Variants in KLF8 observed in about 807,000 individuals in gnomAD.
KLF8 encodes KLF transcription factor 8.
A neutral mutation model predicts 18.2 loss-of-function variants in KLF8; 10 were observed. The observed-to-expected ratio is 0.55, with a 90% CI of 0.34 to 0.93. The LOEUF (loss-of-function observed/expected upper bound fraction) is 0.93, where lower values mean the gene tolerates loss of function less well. KLF8 is among the 40% of genes least tolerant of loss of function. KLF8 has a pLI of 0.02. For missense variants in KLF8, 264 were observed against 277.9 expected (o/e 0.95, Z 0.36); for synonymous variants, 109 against 97.3 (o/e 1.12, Z -0.71).
chrX:56,170,193 C>G, the KLF8 span, among the ~76,000 whole-genome samples: 2 of 110,414 alleles, frequency 1.8e-5, no homozygotes, highest in Non-Finnish European at 3.8e-5. Context: ...ATTCAAATAC[C>G]TGGAAAGCTT....
the KLF8 span, among the ~76,000 whole-genome samples, chrX:56,085,515 CT>C: frequency 1.0e-5 from 1 of 98,146 alleles, no homozygotes; most frequent in African/African-American, 5.7e-5. Flanking sequence ...TTCAGGCTCT[CT>C]ATGTATTGGA....
chrX:56,221,990 G>A, the KLF8 span, among the ~76,000 whole-genome samples: 1 of 111,230 alleles, frequency 9.0e-6, no homozygotes, highest in African/African-American at 3.3e-5. Context: ...GCTGATTGGT[G>A]CGTTTACAAT....
chrX:56,043,430 C>T, the KLF8 span, among the ~76,000 whole-genome samples: 213 of 111,334 alleles, frequency 1.9e-3, no homozygotes, highest in African/African-American at 6.4e-3. Flanking sequence ...TTCCATTCAC[C>T]TTGTCGGTTT....
the KLF8 span, among the ~76,000 whole-genome samples, chrX:56,166,097 T>C: frequency 9.4e-6 from 1 of 106,839 alleles, no homozygotes; most frequent in African/African-American, 3.4e-5. Flanking sequence ...AAATAGCATC[T>C]AGGTCTACCT....
At chrX:55,921,417 G>T in the KLF8 span, among the ~76,000 whole-genome samples, 86 of 111,691 alleles carry the variant, frequency 7.7e-4, 1 homozygote, top group East Asian at 7.8e-3. Context: ...TTTTGTATGG[G>T]TACCATGCTG....
In KLF8 at chrX:56,290,507, C is replaced by T. The variant is rs757569472; in HGVS notation, c.*6013C>T. On this transcript the variant is annotated 3_prime_UTR_variant, in exon 6 of 6. Transcript: ENST00000468660. ...TATATCTTCTTTGTTACTAACAATACGATTATCATCTGTTTCCATACTTGA... is the reference window on the plus strand; with the variant it reads ...TATATCTTCTTTGTTACTAACAATATGATTATCATCTGTTTCCATACTTGA... 2.4e-4 allele frequency among the ~76,000 whole-genome samples: 27 copies of T among 111,444 alleles called. No individual in the cohort carries two copies. The highest frequency in any genetic ancestry group is 2.0e-3 in the East Asian group (7 of 3,544).
chrX:56,031,047 A>G, the KLF8 span, among the ~76,000 whole-genome samples: 1 of 110,530 alleles, frequency 9.0e-6, no homozygotes, highest in Admixed American at 9.6e-5. Context: ...ACCTACCTCT[A>G]ATTCTGGCCA....
chrX:56,190,757 A>G, the KLF8 span, among the ~76,000 whole-genome samples: 1 of 111,704 alleles, frequency 9.0e-6, no homozygotes, highest in African/African-American at 3.2e-5. Flanking sequence ...AAGAAAATTA[A>G]AACATTTCTT....
chrX:55,981,061 C>G, the KLF8 span, among the ~76,000 whole-genome samples: 1 of 111,532 alleles, frequency 9.0e-6, no homozygotes, highest in African/African-American at 3.3e-5. Flanking sequence ...GGCTTGGTGG[C>G]GTGTGCCTAT....
the KLF8 span, among the ~76,000 whole-genome samples, chrX:56,091,065 T>C: frequency 9.0e-6 from 1 of 111,649 alleles, no homozygotes; most frequent in South Asian, 3.8e-4. Flanking sequence ...CTATTGTGAA[T>C]AGTGATGTAA....
chrX:56,172,572 G>A, the KLF8 span, among the ~76,000 whole-genome samples: 6 of 111,821 alleles, frequency 5.4e-5, no homozygotes, highest in Admixed American at 1.9e-4. Flanking sequence ...ACATATGTGT[G>A]CATGTGTCTT....
chrX:56,059,846 G>A, the KLF8 span, among the ~76,000 whole-genome samples: 336 of 111,270 alleles, frequency 3.0e-3, no homozygotes, highest in African/African-American at 0.01. Flanking sequence ...GCTCTTTTTC[G>A]CTTCCATATG....
chrX:56,215,822 CAAAAAAAAAAAAAAAAAAAAAAAA>C, the KLF8 span, among the ~76,000 whole-genome samples: 8 of 31,384 alleles, frequency 2.5e-4, no homozygotes, highest in Non-Finnish European at 3.4e-4. Flanking sequence ...GACTCTGTCT[CAAAAAAAAAAAAAAAAAAAAAAAA>C]AAAAAAAAAA....
chrX:56,227,874 AACACACACACACAC>A (rs72391707), upstream of KLF8, among the ~76,000 whole-genome samples: 12 of 85,532 alleles, frequency 1.4e-4, no homozygotes, highest in South Asian at 1.3e-3. Context: ...CCCTAGCCCC[AACACACACACACAC>A]ACACACACAC....
At chrX:56,190,164 A>C in the KLF8 span, among the ~76,000 whole-genome samples, 2 of 111,688 alleles carry the variant, frequency 1.8e-5, no homozygotes, top group Non-Finnish European at 3.8e-5. Flanking sequence ...TGGAAACATA[A>C]ATAAGCCACC....
chrX:55,945,739 C>T, the KLF8 span, among the ~76,000 whole-genome samples: 1 of 110,679 alleles, frequency 9.0e-6, no homozygotes, highest in Non-Finnish European at 1.9e-5. Context: ...TCTAGAAAAC[C>T]CCATTGTCTC....
the KLF8 span, among the ~76,000 whole-genome samples, chrX:55,952,100 T>A: frequency 8.9e-6 from 1 of 112,150 alleles, no homozygotes; most frequent in Non-Finnish European, 1.9e-5. Context: ...TTTTTGTCAT[T>A]GTTGCAATTT....
the KLF8 span, among the ~76,000 whole-genome samples, chrX:56,031,005 A>G: frequency 9.0e-6 from 1 of 110,729 alleles, no homozygotes; most frequent in South Asian, 3.9e-4. Flanking sequence ...CTTTGAAACA[A>G]GAGACCTCTC....
the KLF8 span, among the ~76,000 whole-genome samples, chrX:56,097,341 CTT>C: frequency 7.7e-5 from 7 of 90,665 alleles, no homozygotes; most frequent in Admixed American, 1.2e-4. Flanking sequence ...CCCTTTCTTT[CTT>C]TTTTTTTTTT....
Sources: gnomAD v4.1 joint callset for allele counts (sites outside exome capture counted in the v4.1 genomes callset) on GRCh38, gnomAD v4.1.1 for gene constraint, MANE v1.5 for transcripts, NCBI Gene and HGNC (gene_info 2026-07-23, HGNC 2026-07-21) for gene names.